The following DEFB104A variants were observed in gnomAD, a reference collection of about 807,000 sequenced individuals.
DEFB104A encodes beta-defensin 104.
chr8:7,839,958 T>A (rs1460599789), intron 1 of DEFB104A, among the ~76,000 whole-genome samples: 2 of 150,444 alleles, frequency 1.3e-5, no homozygotes, highest in Admixed American at 6.6e-5. Context: ...TTTCCTGATA[T>A]CTCTGTAAGA....
chr8:7,837,260 A>G (rs1817668373), intron 1 of DEFB104A, among the ~76,000 whole-genome samples: 1 of 135,134 alleles, frequency 7.4e-6, no homozygotes, highest in Non-Finnish European at 1.6e-5. Flanking sequence ...AGCATTCTCT[A>G]TGGTACAGTG....
chr8:7,836,835 G>C lies in DEFB104A; in HGVS notation c.58+293G>C, dbSNP rs577089853. On this transcript the variant is annotated intron_variant, in intron 1 of 1. Coordinates refer to ENST00000314265, the MANE Select transcript of DEFB104A (RefSeq NM_080389.3). ...CCACACACGGTAACAATTCCTCATG[G>C]AATCCTCAGCAATGAGGACTCACTA... is the stretch of plus-strand genomic sequence containing the variant. 9.2e-4 allele frequency among the ~76,000 whole-genome samples: 131 copies of C among 142,046 alleles called. 6 individuals are homozygous for C. The highest frequency in any genetic ancestry group is 4.1e-3 in the Middle Eastern group (1 of 244). 93.2% of individuals were successfully genotyped at this position (142,046 alleles called of 152,430 possible).
At chr8:7,839,216 G>T (rs1380105970) in intron 1 of DEFB104A, among the ~76,000 whole-genome samples, 2 of 146,004 alleles carry the variant, frequency 1.4e-5, no homozygotes, top group African/African-American at 4.9e-5. Context: ...CATTTTAAAG[G>T]TTGTGTTCTC....
At chr8:7,836,802 C>G (rs1368402066) in intron 1 of DEFB104A, among the ~76,000 whole-genome samples, 1 of 143,602 alleles carries the variant, frequency 7.0e-6, no homozygotes, top group African/African-American at 2.6e-5. Flanking sequence ...ATGTCCTTGG[C>G]ACCCTGGCCA....
chr8:7,838,721 A>G (rs1289715158), intron 1 of DEFB104A, among the ~76,000 whole-genome samples: 2 of 141,504 alleles, frequency 1.4e-5, no homozygotes, highest in African/African-American at 5.1e-5. Context: ...AACAAAGCAA[A>G]TCTTACACGT....
chr8:7,837,515 C>T (rs1275092028), intron 1 of DEFB104A, among the ~76,000 whole-genome samples: 1 of 141,122 alleles, frequency 7.1e-6, no homozygotes, highest in African/African-American at 2.7e-5. Context: ...CTTTTTCTTT[C>T]TTCCCGTGTC....
At chr8:7,839,512 G>T (rs78190412) in intron 1 of DEFB104A, among the ~76,000 whole-genome samples, 2 of 62,370 alleles carry the variant, frequency 3.2e-5, no homozygotes, top group African/African-American at 7.3e-5. Flanking sequence ...TGGGGCCATT[G>T]CAAATATTAA....
intron 1 of DEFB104A, among the ~76,000 whole-genome samples, chr8:7,838,594 C>T (rs1322885728): frequency 1.7e-4 from 25 of 145,610 alleles, no homozygotes; most frequent in Non-Finnish European, 3.4e-4. Context: ...GCAGGAGAAT[C>T]GCTTGAACCC....
intron 1 of DEFB104A, among the ~76,000 whole-genome samples, chr8:7,839,261 G>C (rs1241915177): frequency 1.4e-5 from 2 of 144,626 alleles, no homozygotes; most frequent in African/African-American, 5.0e-5. Context: ...CTAACGCTAA[G>C]CTTCGTTTTC....
At chr8:7,838,621 A>C (rs1467721867) in intron 1 of DEFB104A, among the ~76,000 whole-genome samples, 1 of 146,220 alleles carries the variant, frequency 6.8e-6, no homozygotes, top group African/African-American at 2.5e-5. Context: ...TGGAGGTTGC[A>C]GTGAGCTGAG....
chr8:7,837,131 T>G (rs1180380729), intron 1 of DEFB104A, among the ~76,000 whole-genome samples: 1 of 140,768 alleles, frequency 7.1e-6, no homozygotes, highest in Non-Finnish European at 1.5e-5. Context: ...TAGACTGAGA[T>G]GTCAGCAATC....
chr8:7,839,413 C>T (rs1817714944), intron 1 of DEFB104A, among the ~76,000 whole-genome samples: 1 of 144,156 alleles, frequency 6.9e-6, no homozygotes, highest in African/African-American at 2.5e-5. Flanking sequence ...GCCCACCTCA[C>T]TCCTTTCTTC....
intron 1 of DEFB104A, among the ~76,000 whole-genome samples, 177 bp downstream of exon 1, chr8:7,836,719 T>A (rs1188203191): frequency 6.8e-6 from 1 of 146,610 alleles, no homozygotes; most frequent in Admixed American, 6.8e-5. Flanking sequence ...TGGCAGTCCT[T>A]GTATGCACCT....
At chr8:7,837,656 G>A (rs1341250063) in intron 1 of DEFB104A, among the ~76,000 whole-genome samples, 1 of 143,900 alleles carries the variant, frequency 6.9e-6, no homozygotes, top group Non-Finnish European at 1.5e-5. Context: ...GGGATGGAAA[G>A]CCTGGGTCAG....
chr8:7,838,646 C>A (rs1387748177), intron 1 of DEFB104A, among the ~76,000 whole-genome samples: 6 of 145,958 alleles, frequency 4.1e-5, no homozygotes, highest in Non-Finnish European at 7.7e-5. Flanking sequence ...TGCCATTGCA[C>A]TCTACCCTAG....
At chr8:7,836,916 A>T (rs1817661594) in intron 1 of DEFB104A, among the ~76,000 whole-genome samples, 1 of 142,514 alleles carries the variant, frequency 7.0e-6, no homozygotes, top group Non-Finnish European at 1.5e-5. Context: ...ATTTTGTAGA[A>T]TAAGATGCCT....
rs1221877971 is a variant in DEFB104A at position 7,837,394 on chromosome 8, T to C, written c.58+852T>C. ...AGCTGCTCAGTCAATTTTATGGGGC[T>C]TTGACAGACACCCAGCACCCATCTT... is the stretch of plus-strand genomic sequence containing the variant. On this transcript the variant is annotated intron_variant, in intron 1 of 1. Coordinates refer to ENST00000314265, the MANE Select transcript of DEFB104A (RefSeq NM_080389.3). Among the ~76,000 whole-genome samples the C allele has an allele frequency of 1.5e-4, 21 of 142,340 alleles. 1 individual carries two copies. Among genetic ancestry groups the C allele is most frequent in the African/African-American group, 5.0e-4 (19 of 38,146 alleles). The allele number at this position is 142,340 out of a possible 152,430, so 93.4% of individuals were successfully genotyped here. A position where few individuals can be genotyped will look rare whatever the true frequency, so the allele number is the denominator to read the frequency against.
intron 1 of DEFB104A, among the ~76,000 whole-genome samples, chr8:7,838,632 A>G (rs1817694480): frequency 6.8e-6 from 1 of 146,074 alleles, no homozygotes; most frequent in South Asian, 2.2e-4. Flanking sequence ...GTGAGCTGAG[A>G]TCGTGCCATT....
chr8:7,836,616 TAG>T, intron 1 of DEFB104A, 74 bp downstream of exon 1: 1 of 792,908 alleles, frequency 1.3e-6, no homozygotes, highest in Non-Finnish European at 2.0e-6. Context: ...ACATTTGATT[TAG>T]AAAATAAATC....
Sources: allele counts gnomAD v4.1 joint callset (sites outside exome capture counted in the v4.1 genomes callset), GRCh38; gene constraint gnomAD v4.1.1; transcripts MANE v1.5; gene names NCBI Gene and HGNC (gene_info 2026-07-23, HGNC 2026-07-21).